Variants in PTPN14 observed in about 807,000 individuals in gnomAD.
PTPN14 encodes the protein tyrosine-protein phosphatase non-receptor type 14.
PTPN14 carries 53 observed loss-of-function variants against 126.8 expected under a neutral mutation model. The ratio of observed to expected loss-of-function variants is 0.42; its 90% CI spans 0.34 to 0.53. PTPN14 has a LOEUF of 0.53. Among genes scored for constraint, PTPN14 ranks in the 20% least tolerant of loss-of-function variants. The probability of loss-of-function intolerance (pLI) is 0.08; values close to 1 mark genes in which losing one functional copy is unlikely to be tolerated. For missense variants in PTPN14, 1,257 were observed against 1,552.9 expected (o/e 0.81, Z 3.20); for synonymous variants, 630 against 599.3 (o/e 1.05, Z -0.75).
chr1:214,356,771 G>T lies in PTPN14; in HGVS notation c.*1151C>A, dbSNP rs1045782688. The T allele has an allele frequency of 6.6e-6, 1 of 152,166 alleles. No individual in the cohort carries two copies. Among genetic ancestry groups the T allele is most frequent in the South Asian group, 2.1e-4 (1 of 4,818 alleles). The allele number at this position is 152,166 out of a possible 1,614,324, so 9.4% of individuals were successfully genotyped here. ...AGCCTGAAGATGATATCAGCACAGC[G>T]GGGGTCACATTTGATGTGTTTCCTG... On this transcript the variant is annotated 3_prime_UTR_variant, in exon 19 of 19. Transcript: ENST00000366956.
chr1:214,488,799 A>G (rs547088335), intron 1 of PTPN14, among the ~76,000 whole-genome samples: 2 of 152,324 alleles, frequency 1.3e-5, no homozygotes, highest in South Asian at 2.1e-4. Flanking sequence ...GATTTTTGCA[A>G]AAGTGACACT....
intron 1 of PTPN14, among the ~76,000 whole-genome samples, chr1:214,514,548 T>C (rs1202749866): frequency 1.3e-5 from 2 of 151,294 alleles, no homozygotes; most frequent in African/African-American, 2.5e-5. Context: ...TCCCAGACTC[T>C]CTCTACTAGA....
chr1:214,437,288 C>G (rs1313530905), intron 3 of PTPN14, among the ~76,000 whole-genome samples: 1 of 151,896 alleles, frequency 6.6e-6, no homozygotes. Context: ...CTCAGTTTTG[C>G]AAAATTCTCA....
chr1:214,460,256 T>A (rs564456524), intron 2 of PTPN14, among the ~76,000 whole-genome samples: 1 of 152,304 alleles, frequency 6.6e-6, no homozygotes, highest in African/African-American at 2.4e-5. Context: ...GTGGTAATTA[T>A]CCTTTGTAAC....
At chr1:214,497,757 C>G (rs2102426498) in intron 1 of PTPN14, among the ~76,000 whole-genome samples, 1 of 151,970 alleles carries the variant, frequency 6.6e-6, no homozygotes. Flanking sequence ...TTTCTTTTTT[C>G]AAAACTTTCT....
At chr1:214,417,695 T>C (rs1659456180) in intron 3 of PTPN14, among the ~76,000 whole-genome samples, 1 of 152,354 alleles carries the variant, frequency 6.6e-6, no homozygotes, top group South Asian at 2.1e-4. Flanking sequence ...ATTCTGTTCA[T>C]GCTTCTCAGA....
intron 11 of PTPN14, among the ~76,000 whole-genome samples, chr1:214,390,685 T>A (rs1439147057): frequency 1.3e-5 from 2 of 152,070 alleles, no homozygotes; most frequent in Non-Finnish European, 2.9e-5. Context: ...CCAGAACAGA[T>A]GAGCAAGGGA....
At chr1:214,387,682 AAAAAAAAAAGAAAGAAAG>A (rs1388408212) in intron 11 of PTPN14, among the ~76,000 whole-genome samples, 1 of 151,770 alleles carries the variant, frequency 6.6e-6, no homozygotes, top group Non-Finnish European at 1.5e-5. Flanking sequence ...GTCAAAAAAA[AAAAAAAAAAGAAAGAAAG>A]AAAGAAAGAG....
At position 214,354,554 on chromosome 1, in the gene PTPN14, C is replaced by T. The variant is rs1657772728; in HGVS notation, c.*3368G>A. The T allele has an allele frequency of 6.6e-6, 1 of 152,192 alleles. No homozygotes were observed. Among genetic ancestry groups the T allele is most frequent in the African/African-American group, 2.4e-5 (1 of 41,432 alleles). 9.4% of individuals were successfully genotyped at this position (152,192 alleles called of 1,614,324 possible). On this transcript the variant is annotated 3_prime_UTR_variant, in exon 19 of 19. Coordinates refer to ENST00000366956, the MANE Select transcript of PTPN14 (RefSeq NM_005401.5). The stretch of plus-strand genomic sequence containing the variant: ...CCCAAGGAAACCTAAGAAACCTCAG[C>T]AGGACATTCCTCAGCTAAGCCAGCA...
Position 214,398,095 on chromosome 1 carries a change from T to A in PTPN14, c.670-94A>T. ...GATATGGAATCGACCTGAGTGTCCA[T>A]CCACAGATGAATGGATAAAGAAAAC... On this transcript the variant is annotated intron_variant, in intron 7 of 18. Transcript: ENST00000366956. 4.1e-6 allele frequency: 4 copies of A among 968,646 alleles called. No homozygotes were observed. In the South Asian group the frequency reaches 5.8e-5, roughly 14 times the overall value. 60.0% of individuals were successfully genotyped at this position (968,646 alleles called of 1,614,324 possible). A position where few individuals can be genotyped will look rare whatever the true frequency, so the allele number is the denominator to read the frequency against.
At chr1:214,520,065 A>AAAAAAAAAAAAAAAATAAAAATATATAT in intron 1 of PTPN14, among the ~76,000 whole-genome samples, 1 of 71,142 alleles carries the variant, frequency 1.4e-5, no homozygotes, top group African/African-American at 7.3e-5. Flanking sequence ...AAAAAAAAAA[A>AAAAAAAAAAAAAAAATAAAAATATATAT]ATATATATAT....
intron 10 of PTPN14, 100 bp downstream of exon 10, chr1:214,393,595 G>C: frequency 2.0e-6 from 2 of 985,104 alleles, no homozygotes; most frequent in South Asian, 3.1e-5. Context: ...AAGGAACAAG[G>C]AAAAAGAGTG....
chr1:214,420,917 C>T (rs1659529030), intron 3 of PTPN14, among the ~76,000 whole-genome samples: 1 of 152,218 alleles, frequency 6.6e-6, no homozygotes, highest in South Asian at 2.1e-4. Flanking sequence ...AAATACTGTG[C>T]TAAAGTGTTT....
At chr1:214,442,596 A>G (rs1660057863) in intron 3 of PTPN14, among the ~76,000 whole-genome samples, 1 of 152,184 alleles carries the variant, frequency 6.6e-6, no homozygotes, top group Non-Finnish European at 1.5e-5. Context: ...TCATTATAGG[A>G]CACCTACAAT....
At chr1:214,463,782 A>G (rs1004110680) in intron 2 of PTPN14, among the ~76,000 whole-genome samples, 1 of 152,190 alleles carries the variant, frequency 6.6e-6, no homozygotes, top group Non-Finnish European at 1.5e-5. Flanking sequence ...GCCCTCAGGA[A>G]TGTCTCAGCC....
chr1:214,415,530 TG>T (rs1346356032), intron 3 of PTPN14, among the ~76,000 whole-genome samples: 2 of 152,250 alleles, frequency 1.3e-5, no homozygotes, highest in African/African-American at 4.8e-5. Context: ...TCCTGGTAAA[TG>T]CTAACAATCC....
Position 214,383,969 on chromosome 1 carries a change from G to T in PTPN14, c.1886C>A (p.Thr629Lys), listed in dbSNP as rs139407701. 6.2e-7 allele frequency: 1 copy of T among 1,611,948 alleles called. No homozygotes were observed. The highest frequency in any genetic ancestry group is 1.1e-5 in the South Asian group (1 of 91,082). ...QSLQEVSEPL[T>K]ATKHHGTVNK... ...CACAGTGCCGTGGTGCTTGGTGGCC[G>T]TGAGGGGCTCGCTCACCTCCTGGAG... Residue 629 changes from threonine (T) to lysine (K), a missense_variant, in exon 13 of 19, where the codon ACG (threonine) becomes AAG (lysine). Physicochemically the swap from Thr to Lys is moderately conservative, Grantham distance 78. This residue lies in a region of PTPN14 where 1,021 missense variants were observed against 1,183.3 expected (regional missense o/e 0.86). Transcript: ENST00000366956. The surrounding 1 kb of genome is among the most constrained non-coding windows in gnomAD (Gnocchi z 4.4).
rs962347314 is a variant in PTPN14 at position 214,376,281 on chromosome 1, G to T, written c.2845C>A (p.Arg949=). ...IREVVPYEEN[R]VELIPTKENN... ...TCTTTGGTTGGTATCAGCTCTACTC[G>T]ATTCTCCTCATAGGGGACAACTTCA... The change falls in exon 15 of 19, where the codon CGA becomes AGA. Residue 949 remains arginine, a synonymous_variant. Coordinates refer to ENST00000366956, the MANE Select transcript of PTPN14 (RefSeq NM_005401.5). 1 of 1,614,106 alleles carries T rather than the reference G, an allele frequency of 6.2e-7. No homozygotes were observed. The highest frequency in any genetic ancestry group is 8.5e-7 in the Non-Finnish European group (1 of 1,180,026).
intron 1 of PTPN14, among the ~76,000 whole-genome samples, chr1:214,470,662 T>C (rs2102660576): frequency 6.6e-6 from 1 of 151,038 alleles, no homozygotes; most frequent in South Asian, 2.1e-4. Flanking sequence ...CAGATGCCCG[T>C]AATCCCAGCT....
Sources: allele counts gnomAD v4.1 joint callset (sites outside exome capture counted in the v4.1 genomes callset), GRCh38; gene constraint gnomAD v4.1.1; regional missense constraint gnomAD v4.1.1; non-coding constraint Gnocchi (gnomAD v3.1); transcripts MANE v1.5; gene names NCBI Gene and HGNC (gene_info 2026-07-23, HGNC 2026-07-21).